The following TMEM35B variants were observed in gnomAD, a reference collection of about 807,000 sequenced individuals.
TMEM35B encodes the protein transmembrane protein 35B.
TMEM35B carries 6 observed loss-of-function variants against 8.7 expected under a neutral mutation model. The ratio of observed to expected loss-of-function variants is 0.69; its 90% CI spans 0.38 to 1.36. TMEM35B has a LOEUF of 1.36. TMEM35B is among the 40% of genes most tolerant of loss of function. The pLI is 0.02. For missense variants in TMEM35B, 176 were observed against 181.6 expected (o/e 0.97, Z 0.18); for synonymous variants, 89 against 87.0 (o/e 1.02, Z -0.13).
chr1:34,982,114 T>A, exon 3 of TMEM35B: 1 of 1,544,518 alleles, frequency 6.5e-7, no homozygotes, highest in Non-Finnish European at 8.7e-7. Context: ...AAGGTGAAGA[T>A]AGCCCCTGGA....
chr1:34,983,086 C>T (rs1640523789), intron 2 of TMEM35B, among the ~76,000 whole-genome samples: 1 of 152,210 alleles, frequency 6.6e-6, no homozygotes, highest in East Asian at 1.9e-4. Flanking sequence ...CTGCTCTCTA[C>T]ACCAATCTGC....
chr1:34,984,341 G>A (rs945576088), intron 1 of TMEM35B, among the ~76,000 whole-genome samples: 2 of 152,222 alleles, frequency 1.3e-5, no homozygotes, highest in African/African-American at 4.8e-5. Flanking sequence ...TTGGAGGTGA[G>A]GCAGAGTTAG....
At chr1:34,983,360 C>T (rs1362485870) in intron 2 of TMEM35B, among the ~76,000 whole-genome samples, 6 of 151,940 alleles carry the variant, frequency 3.9e-5, no homozygotes, top group Non-Finnish European at 8.8e-5. Context: ...GGGCAGATCA[C>T]GAGTTCAGGA....
intron 1 of TMEM35B, among the ~76,000 whole-genome samples, chr1:34,984,915 C>T (rs749544210): frequency 7.0e-6 from 1 of 142,282 alleles, no homozygotes; most frequent in African/African-American, 2.5e-5. Context: ...CCCCAGGGTC[C>T]GGGGGGGTGG....
At chr1:34,983,669 G>GA (rs76340270) in intron 2 of TMEM35B, 98 bp downstream of exon 2, 43,809 of 1,054,586 alleles carry the variant, frequency 0.042, 3,283 homozygotes, top group East Asian at 0.39. Flanking sequence ...TGATCCCAGA[G>GA]AAAAAAGAAG....
chr1:34,985,261 G>A (rs1438726979), exon 1 of TMEM35B: 2 of 1,544,734 alleles, frequency 1.3e-6, no homozygotes, highest in Admixed American at 2.0e-5. Flanking sequence ...CGAGCGCGAA[G>A]AAGCCGCCCA....
chr1:34,984,938 A>C (rs1355509309), intron 1 of TMEM35B, among the ~76,000 whole-genome samples: 1 of 152,014 alleles, frequency 6.6e-6, no homozygotes, highest in Non-Finnish European at 1.5e-5. Context: ...GGGACCTCCT[A>C]AGGCTCTAGA....
At chr1:34,983,979 A>C (rs1445777658) in intron 1 of TMEM35B, 32 bp from the exon 2 acceptor site, 5 of 1,432,562 alleles carry the variant, frequency 3.5e-6, no homozygotes, top group Non-Finnish European at 4.6e-6. Context: ...TGTTAGCCTC[A>C]TTGTTCAACA....
chr1:34,983,292 T>TG (rs1640526117), intron 2 of TMEM35B, among the ~76,000 whole-genome samples: 1 of 152,076 alleles, frequency 6.6e-6, no homozygotes, highest in Non-Finnish European at 1.5e-5. Context: ...AAAGTACCTG[T>TG]GCTAGGCCGG....
chr1:34,985,222 G>A, exon 1 of TMEM35B: 5 of 1,541,654 alleles, frequency 3.2e-6, no homozygotes, highest in Non-Finnish European at 4.4e-6. Context: ...CTGGAGCCGA[G>A]ATCTCCTCCG....
At chr1:34,984,579 G>C (rs6425928) in intron 1 of TMEM35B, among the ~76,000 whole-genome samples, 32,758 of 152,056 alleles carry the variant, frequency 0.22, 8,412 homozygotes, top group African/African-American at 0.61. Context: ...TGAGGGACTG[G>C]GGAGATTGGT....
At chr1:34,982,330 C>T (rs555651430) in intron 2 of TMEM35B, among the ~76,000 whole-genome samples, 2 of 152,172 alleles carry the variant, frequency 1.3e-5, no homozygotes, top group East Asian at 1.9e-4. Context: ...TCTTGAACAA[C>T]AGCAGCAGTG....
chr1:34,982,041 A>G, exon 3 of TMEM35B: 1 of 1,550,156 alleles, frequency 6.5e-7, no homozygotes, highest in South Asian at 1.2e-5. Context: ...ATTCAGCAGC[A>G]GCAGGAACCC....
chr1:34,985,318 C>T (rs1450098802), exon 1 of TMEM35B: 2 of 1,523,722 alleles, frequency 1.3e-6, no homozygotes, highest in East Asian at 5.2e-5. Context: ...CCGCGCTCCC[C>T]CCACCGTGGG....
At chr1:34,983,819 G>A in exon 2 of TMEM35B, 1 of 1,545,472 alleles carries the variant, frequency 6.5e-7, no homozygotes, top group Admixed American at 2.0e-5. Flanking sequence ...GCATCGGTGG[G>A]CCCATGACCA....
At chr1:34,982,348 T>G (rs1640516606) in intron 2 of TMEM35B, among the ~76,000 whole-genome samples, 1 of 151,922 alleles carries the variant, frequency 6.6e-6, no homozygotes, top group Non-Finnish European at 1.5e-5. Flanking sequence ...GTGGCAACAG[T>G]TGCCCCTCTC....
At chr1:34,983,796 C>T (rs768108057) in exon 2 of TMEM35B, 1 of 1,539,156 alleles carries the variant, frequency 6.5e-7, no homozygotes, top group South Asian at 1.2e-5. Context: ...GAACAAGTTA[C>T]TGATCTCTTG....
At position 34,982,034 on chromosome 1, in the gene TMEM35B, C is replaced by G. The variant is rs1171285838; in HGVS notation, c.375G>C (p.Leu125=). Residue 125 remains leucine, a synonymous_variant, in exon 3 of 3, where the codon CTG becomes CTC. Transcript: ENST00000373337. ...TCTGGGCTAAGAGCTGGCCGACATT[C>G]AGCAGCAGCAGGAACCCCAGGCAGA... is the stretch of plus-strand genomic sequence containing the variant. 3.2e-6 allele frequency: 5 copies of G among 1,549,408 alleles called. No individual in the cohort carries two copies. The East Asian group carries it at 9.8e-5, about 30-fold the overall frequency.
chr1:34,983,910 A>G lies in TMEM35B; in HGVS notation c.146T>C (p.Leu49Pro), dbSNP rs762768073. 4 of 1,536,324 alleles carry G rather than the reference A, an allele frequency of 2.6e-6. No homozygotes were observed. The African/African-American group carries it at 5.5e-5, about 21-fold the overall frequency. Reference sequence around the variant, plus strand: ...ATCTGGCTGGTAGCCAAATACCTTCAGCGGGAACACCTCAGCAAACTGCAC... The same window carrying G: ...ATCTGGCTGGTAGCCAAATACCTTCGGCGGGAACACCTCAGCAAACTGCAC... Residue 49 changes from leucine (L) to proline (P), a missense_variant, in exon 2 of 3, where the codon CTG becomes CCG. Leu to Pro is a moderately conservative substitution (Grantham distance 98). Coordinates refer to ENST00000373337, the Ensembl canonical transcript of TMEM35B.
Sources: allele counts gnomAD v4.1 joint callset (sites outside exome capture counted in the v4.1 genomes callset), GRCh38; gene constraint gnomAD v4.1.1; transcripts MANE v1.5; gene names NCBI Gene and HGNC (gene_info 2026-07-23, HGNC 2026-07-21).